PAX7: variants seen among roughly 807,000 people sequenced by gnomAD.
PAX7 encodes the protein paired box 7.
Under a neutral mutation model 50.7 loss-of-function variants are expected in PAX7, and 18 were observed. That is an observed-to-expected ratio of 0.36 (90% CI 0.25 to 0.53). The LOEUF (loss-of-function observed/expected upper bound fraction) is 0.53. PAX7 is among the 20% of genes least tolerant of loss of function. PAX7 has a pLI of 0.93. For missense variants in PAX7, 644 were observed against 702.9 expected (o/e 0.92, Z 0.95); for synonymous variants, 310 against 290.4 (o/e 1.07, Z -0.69).
intron 4 of PAX7, among the ~76,000 whole-genome samples, chr1:18,660,399 A>G (rs2088583156): frequency 6.6e-6 from 1 of 152,120 alleles, no homozygotes; most frequent in East Asian, 1.9e-4. Flanking sequence ...GCTTAAGGAC[A>G]AAATTAGGAG....
intron 7 of PAX7, among the ~76,000 whole-genome samples, chr1:18,718,486 C>G (rs951445567): frequency 2.0e-5 from 3 of 152,134 alleles, no homozygotes; most frequent in African/African-American, 7.2e-5. Flanking sequence ...TGCAAGGCAG[C>G]CGGTCCCAGG....
intron 7 of PAX7, among the ~76,000 whole-genome samples, chr1:18,708,073 C>G (rs2089306594): frequency 6.6e-6 from 1 of 152,166 alleles, no homozygotes; most frequent in South Asian, 2.1e-4. Flanking sequence ...GCACTCAGCA[C>G]ATGCATGTCC....
chr1:18,714,339 C>T (rs1488707431), intron 7 of PAX7, among the ~76,000 whole-genome samples: 1 of 152,138 alleles, frequency 6.6e-6, no homozygotes, highest in Non-Finnish European at 1.5e-5. Context: ...TGAAATGGGG[C>T]CTCTGCCACT....
chr1:18,668,215 C>T (rs1184131640), intron 4 of PAX7, among the ~76,000 whole-genome samples: 1 of 152,194 alleles, frequency 6.6e-6, no homozygotes, highest in Non-Finnish European at 1.5e-5. Context: ...AGTTCTGGCC[C>T]AGAGTCAGAG....
intron 5 of PAX7, among the ~76,000 whole-genome samples, chr1:18,694,673 C>T (rs1270809624): frequency 6.6e-6 from 1 of 152,062 alleles, no homozygotes; most frequent in East Asian, 1.9e-4. Flanking sequence ...ACTGAGAGCT[C>T]AGGGTTCCTG....
intron 4 of PAX7, among the ~76,000 whole-genome samples, chr1:18,646,075 C>T (rs1013429949): frequency 3.9e-5 from 6 of 152,238 alleles, no homozygotes; most frequent in African/African-American, 1.2e-4. Flanking sequence ...CCATTCTCCT[C>T]CCTCCCGCTG....
chr1:18,631,191 G>A lies in PAX7; in HGVS notation c.-413G>A, dbSNP rs1026276442. On this transcript the variant is annotated 5_prime_UTR_variant, in exon 1 of 9. Transcript: ENST00000420770. ...GCCAGAGCGCGAGAGCGCGGCGCTC[G>A]CCACTCTGAGGCTGGCGGCCTCGAT... 7.5e-5 allele frequency: 18 copies of A among 240,494 alleles called. No individual in the cohort carries two copies. The highest frequency in any genetic ancestry group is 1.2e-4 in the Non-Finnish European group (15 of 123,250). The allele number at this position is 240,494 out of a possible 1,614,324, so 14.9% of individuals were successfully genotyped here.
rs2841095 is a variant in PAX7, at chr1:18,701,754, T to A, written c.952+936T>A. Among the ~76,000 whole-genome samples the A allele has an allele frequency of 1.8e-3, 276 of 152,256 alleles. 3 individuals carry two copies. The highest frequency in any genetic ancestry group is 6.2e-3 in the African/African-American group (259 of 41,532). ...GAGAGGGGTCAGAGCCCTCAGGTCC[T>A]CCTGGGAAGGAGGCCTCACTTGAGC... On this transcript the variant is annotated intron_variant, in intron 6 of 8. Transcript: ENST00000420770.
At chr1:18,704,209 C>T (rs980816153) in intron 7 of PAX7, among the ~76,000 whole-genome samples, 11 of 152,238 alleles carry the variant, frequency 7.2e-5, no homozygotes, top group Admixed American at 1.3e-4. Context: ...CTACATCCTG[C>T]GGGCCACATC....
rs148297954 is a variant in PAX7, at chr1:18,672,472, G to A, written c.587-19282G>A. Among the ~76,000 whole-genome samples, 3 of 152,268 alleles carry A rather than the reference G, an allele frequency of 2.0e-5. No homozygotes were observed. In the East Asian group the frequency reaches 5.8e-4, roughly 29 times the overall value. ...CCCAGCAGAACCATGGCTGGCAGGA[G>A]GTGTGTGTCCTTCCATGTCAATTTC... On this transcript the variant is annotated intron_variant, in intron 4 of 8. Transcript: ENST00000420770.
Position 18,735,827 on chromosome 1 carries a change from G to A in PAX7, c.1351G>A (p.Gly451Ser), listed in dbSNP as rs548041494. Residue 451 changes from glycine (G) to serine (S), a missense_variant, in exon 8 of 9, where the codon GGC (glycine) becomes AGC (serine). Physicochemically the swap from Gly to Ser is moderately conservative, Grantham distance 56. Coordinates refer to ENST00000420770, the MANE Select transcript of PAX7 (RefSeq NM_001135254.2). This position sits in a 1 kb window ranked among gnomAD's most constrained non-coding sequence, Gnocchi z 4.0. ...AYCPPTYSTT[G>S]YSVDPVAGYQ... is the part of the protein sequence containing the mutation. Reference sequence around the variant, plus strand: ...CTGCCCACCCACCTACAGCACCACCGGCTACAGCGTGGACCCCGTGGCCGG... The same window carrying A: ...CTGCCCACCCACCTACAGCACCACCAGCTACAGCGTGGACCCCGTGGCCGG... The A allele has an allele frequency of 1.9e-5, 30 of 1,613,992 alleles. No individual in the cohort carries two copies. The highest frequency in any genetic ancestry group is 1.6e-4 in the Middle Eastern group (1 of 6,084).
chr1:18,640,200 G>A (rs1245847166), intron 4 of PAX7, among the ~76,000 whole-genome samples: 1 of 152,192 alleles, frequency 6.6e-6, no homozygotes, highest in African/African-American at 2.4e-5. Context: ...GGAAAGGAGG[G>A]GAGAGCCCGG....
chr1:18,695,268 T>G (rs1353446031), intron 5 of PAX7, among the ~76,000 whole-genome samples: 1 of 150,696 alleles, frequency 6.6e-6, no homozygotes, highest in Non-Finnish European at 1.5e-5. Context: ...TAAATGGGGG[T>G]TGTTCTTACT....
At chr1:18,714,238 T>TAAATAAATAAATAAAC (rs1229915522) in intron 7 of PAX7, among the ~76,000 whole-genome samples, 6 of 150,876 alleles carry the variant, frequency 4.0e-5, no homozygotes, top group Non-Finnish European at 7.4e-5. Flanking sequence ...AATAAATAAA[T>TAAATAAATAAATAAAC]ATACAAAAAC....
At chr1:18,725,884 G>C (rs939425171) in intron 7 of PAX7, among the ~76,000 whole-genome samples, 3 of 152,176 alleles carry the variant, frequency 2.0e-5, no homozygotes, top group African/African-American at 7.2e-5. Context: ...ATCTGCCCTG[G>C]GATGAGGGGC....
chr1:18,743,557 C>T (rs897488242), intron 8 of PAX7, among the ~76,000 whole-genome samples: 2 of 152,256 alleles, frequency 1.3e-5, no homozygotes, highest in Non-Finnish European at 2.9e-5. Flanking sequence ...CTTCCTCTTG[C>T]TTCTGGATCC....
chr1:18,732,111 G>A lies in PAX7; in HGVS notation c.1156-3521G>A, dbSNP rs148919558. On this transcript the variant is annotated intron_variant, in intron 7 of 8. Coordinates refer to ENST00000420770, the MANE Select transcript of PAX7 (RefSeq NM_001135254.2). ...CGTCTTCTCAGGGCTGTTCTTTCTG[G>A]TCTTGCTGGATATCACATCTTTGGG... 8.6e-4 allele frequency among the ~76,000 whole-genome samples: 131 copies of A among 152,258 alleles called. 1 individual carries two copies. Among genetic ancestry groups the A allele is most frequent in the African/African-American group, 3.0e-3 (124 of 41,530 alleles).
chr1:18,678,642 T>C (rs2088856429), intron 4 of PAX7, among the ~76,000 whole-genome samples: 1 of 152,176 alleles, frequency 6.6e-6, no homozygotes, highest in African/African-American at 2.4e-5. Flanking sequence ...TACCAAGGGC[T>C]GAGAAGATGG....
chr1:18,641,960 C>A lies in PAX7; in HGVS notation c.586+5589C>A, dbSNP rs539027781. Reference sequence around the variant, plus strand: ...GTTAAACCCGGATTAACCTCCCCCCCCCCAACTCCCGCGGCCCCCTCCCCT... The same window carrying A: ...GTTAAACCCGGATTAACCTCCCCCCACCCAACTCCCGCGGCCCCCTCCCCT... On this transcript the variant is annotated intron_variant, in intron 4 of 8. Transcript: ENST00000420770. Among the ~76,000 whole-genome samples the A allele has an allele frequency of 5.9e-3, 900 of 151,518 alleles. 13 individuals carry two copies. Among genetic ancestry groups the A allele is most frequent in the African/African-American group, 0.02 (830 of 41,158 alleles).
Sources: gnomAD v4.1 joint callset for allele counts (sites outside exome capture counted in the v4.1 genomes callset) on GRCh38, gnomAD v4.1.1 for gene constraint, Gnocchi (gnomAD v3.1) non-coding constraint, MANE v1.5 for transcripts, NCBI Gene and HGNC (gene_info 2026-07-23, HGNC 2026-07-21) for gene names.